The following SNTG1 variants were observed in gnomAD, a reference collection of about 807,000 sequenced individuals.
SNTG1 encodes gamma-1-syntrophin.
A neutral mutation model predicts 74.7 loss-of-function variants in SNTG1; 39 were observed. The observed-to-expected ratio is 0.52, with a 90% CI of 0.40 to 0.68. SNTG1 has a LOEUF of 0.68. SNTG1 is among the 30% of genes least tolerant of loss of function. SNTG1 has a pLI of 0.00. For synonymous variants in SNTG1, 254 were observed against 217.1 expected (o/e 1.17, Z -1.49); for missense variants, 685 against 609.5 (o/e 1.12, Z -1.30).
At chr8:50,268,049 T>C (rs2087571226) in intron 2 of SNTG1, among the ~76,000 whole-genome samples, 1 of 152,158 alleles carries the variant, frequency 6.6e-6, no homozygotes, top group Non-Finnish European at 1.5e-5. Context: ...AGAAACACTA[T>C]ATGAGTTTAG....
At chr8:50,534,788 A>G (rs533954044) in intron 10 of SNTG1, among the ~76,000 whole-genome samples, 2 of 152,282 alleles carry the variant, frequency 1.3e-5, no homozygotes, top group Admixed American at 1.3e-4. Context: ...AACTAAAAAT[A>G]AAAAAACCTT....
intron 12 of SNTG1, among the ~76,000 whole-genome samples, chr8:50,571,225 G>T (rs1386072769): frequency 1.3e-5 from 2 of 152,120 alleles, no homozygotes; most frequent in East Asian, 3.9e-4. Flanking sequence ...GCATACCAAC[G>T]CTGCTATCTC....
intron 1 of SNTG1, among the ~76,000 whole-genome samples, chr8:49,993,296 CTATT>C (rs1813861642): frequency 6.6e-6 from 1 of 151,522 alleles, no homozygotes; most frequent in Non-Finnish European, 1.5e-5. Flanking sequence ...GACACTCACT[CTATT>C]TATTTCTTTA....
chr8:50,583,806 G>C (rs2094628298), intron 12 of SNTG1, among the ~76,000 whole-genome samples: 1 of 150,246 alleles, frequency 6.7e-6, no homozygotes, highest in Non-Finnish European at 1.5e-5. Context: ...AAGTTCTAGG[G>C]TACATGTGCA....
chr8:50,114,038 A>G (rs1019229475), intron 1 of SNTG1, among the ~76,000 whole-genome samples: 1 of 152,118 alleles, frequency 6.6e-6, no homozygotes. Flanking sequence ...TGTGATCTTT[A>G]CTGCTTTTAA....
intron 1 of SNTG1, among the ~76,000 whole-genome samples, chr8:49,925,279 A>C (rs2129348424): frequency 6.6e-6 from 1 of 152,364 alleles, no homozygotes; most frequent in Admixed American, 6.5e-5. Flanking sequence ...TTGCAGACAT[A>C]AATTTCTCAT....
At chr8:50,632,623 CTCT>C (rs1357374106) in intron 13 of SNTG1, among the ~76,000 whole-genome samples, 1 of 152,114 alleles carries the variant, frequency 6.6e-6, no homozygotes, top group African/African-American at 2.4e-5. Context: ...TTTTTATAAT[CTCT>C]TATTAGGTTA....
At chr8:50,041,501 G>T (rs1328039926) in intron 1 of SNTG1, among the ~76,000 whole-genome samples, 4 of 152,172 alleles carry the variant, frequency 2.6e-5, no homozygotes, top group Non-Finnish European at 5.9e-5. Flanking sequence ...TGTATTCAAT[G>T]TAAAAATAAG....
At chr8:50,361,370 A>G (rs933101841) in intron 2 of SNTG1, among the ~76,000 whole-genome samples, 6 of 152,116 alleles carry the variant, frequency 3.9e-5, no homozygotes, top group Non-Finnish European at 8.8e-5. Context: ...GAGGAGTCAC[A>G]TTTTTAGAAA....
chr8:49,946,198 T>A (rs1257245675), intron 1 of SNTG1, among the ~76,000 whole-genome samples: 1 of 152,222 alleles, frequency 6.6e-6, no homozygotes, highest in Non-Finnish European at 1.5e-5. Context: ...TTTGAGTTAC[T>A]GTCAGCATTC....
chr8:50,019,094 C>T lies in SNTG1; in HGVS notation c.-103+106863C>T, dbSNP rs577234808. Among the ~76,000 whole-genome samples the T allele has an allele frequency of 8.5e-5, 13 of 152,120 alleles. No individual in the cohort carries two copies. In the East Asian group the frequency reaches 2.3e-3, roughly 27 times the overall value. ...GAAAAGAAGAGAAGATGAATGATTG[C>T]TAATACGTGTGGGAATTATTTTGTA... On this transcript the variant is annotated intron_variant, in intron 1 of 18. Transcript: ENST00000642720.
intron 12 of SNTG1, among the ~76,000 whole-genome samples, chr8:50,585,743 T>A (rs2094644214): frequency 6.6e-6 from 1 of 152,140 alleles, no homozygotes; most frequent in East Asian, 1.9e-4. Context: ...ATCATATGAA[T>A]AATACCATGT....
chr8:50,265,424 A>T (rs1225879677), intron 2 of SNTG1, among the ~76,000 whole-genome samples: 3 of 152,108 alleles, frequency 2.0e-5, no homozygotes, highest in Non-Finnish European at 4.4e-5. Context: ...ATATAACACC[A>T]TTTTATAGTG....
intron 1 of SNTG1, among the ~76,000 whole-genome samples, chr8:50,045,057 G>T (rs141672356): frequency 6.6e-6 from 1 of 152,180 alleles, no homozygotes; most frequent in East Asian, 1.9e-4. Flanking sequence ...TATGGCAGTG[G>T]TGAGAAACAG....
At chr8:50,058,721 A>C (rs1384693949) in intron 1 of SNTG1, among the ~76,000 whole-genome samples, 2 of 150,706 alleles carry the variant, frequency 1.3e-5, no homozygotes, top group Non-Finnish European at 3.0e-5. Flanking sequence ...CAGATCCACA[A>C]TTTTACTTAC....
intron 1 of SNTG1, among the ~76,000 whole-genome samples, chr8:49,945,357 A>G (rs1809080731): frequency 6.6e-6 from 1 of 152,180 alleles, no homozygotes; most frequent in African/African-American, 2.4e-5. Context: ...ATCCTCTGCT[A>G]AAGCTTACAG....
At chr8:50,279,800 G>T (rs1445575892) in intron 2 of SNTG1, among the ~76,000 whole-genome samples, 1 of 152,164 alleles carries the variant, frequency 6.6e-6, no homozygotes, top group Non-Finnish European at 1.5e-5. Flanking sequence ...AGAAGGGTAT[G>T]AGGAAAGGGT....
Position 50,795,947 on chromosome 8 carries a change from T to C in SNTG1, c.*3118T>C, listed in dbSNP as rs887468304. 1.3e-5 allele frequency: 2 copies of C among 152,056 alleles called. No homozygotes were observed. Among genetic ancestry groups the C allele is most frequent in the Non-Finnish European group, 2.9e-5 (2 of 67,978 alleles). The allele number at this position is 152,056 out of a possible 1,614,324, so 9.4% of individuals were successfully genotyped here. A position where few individuals can be genotyped will look rare whatever the true frequency, so the allele number is the denominator to read the frequency against. ...CATGTACCAACTTATAATTTTGAAATCTTCGCTCATAAAGCTGTCATTCAG... is the reference window on the plus strand; with the variant it reads ...CATGTACCAACTTATAATTTTGAAACCTTCGCTCATAAAGCTGTCATTCAG... On this transcript the variant is annotated 3_prime_UTR_variant, in exon 19 of 19. Coordinates refer to ENST00000642720, the MANE Select transcript of SNTG1 (RefSeq NM_018967.5).
intron 1 of SNTG1, among the ~76,000 whole-genome samples, chr8:49,940,083 A>G (rs974236834): frequency 2.0e-5 from 3 of 152,170 alleles, no homozygotes. Flanking sequence ...TATAATCTGG[A>G]GTCTGTGAAA....
Sources: gnomAD v4.1 joint callset for allele counts (sites outside exome capture counted in the v4.1 genomes callset) on GRCh38, gnomAD v4.1.1 for gene constraint, MANE v1.5 for transcripts, NCBI Gene and HGNC (gene_info 2026-07-23, HGNC 2026-07-21) for gene names.